Variants in DGKI observed in about 807,000 individuals in gnomAD.
The protein encoded by DGKI is diacylglycerol kinase iota.
Under a neutral mutation model 147.5 loss-of-function variants are expected in DGKI, and 55 were observed. The observed-to-expected ratio is 0.37, with a 90% CI of 0.30 to 0.47. The LOEUF is 0.47. Among genes scored for constraint, DGKI ranks in the 20% least tolerant of loss-of-function variants. The pLI, the probability that DGKI is intolerant of heterozygous loss-of-function variation, is 1.00. For missense variants in DGKI, 1,007 were observed against 1,323.8 expected, an observed-to-expected ratio of 0.76 and a Z score of 3.71; for synonymous variants, 469 against 477.1, an observed-to-expected ratio of 0.98 and a Z score of 0.22.
chr7:137,413,113 T>C (rs1812223517), intron 28 of DGKI, among the ~76,000 whole-genome samples: 2 of 151,772 alleles, frequency 1.3e-5, no homozygotes. Context: ...CTACCAAAAA[T>C]ACAGAAATTA....
At chr7:137,651,223 T>C (rs1404466186) in intron 5 of DGKI, among the ~76,000 whole-genome samples, 1 of 152,230 alleles carries the variant, frequency 6.6e-6, no homozygotes, top group Non-Finnish European at 1.5e-5. Flanking sequence ...GGATTGAAAG[T>C]GACAACTGAA....
At chr7:137,721,417 C>T (rs1291802224) in intron 1 of DGKI, among the ~76,000 whole-genome samples, 1 of 152,186 alleles carries the variant, frequency 6.6e-6, no homozygotes, top group Non-Finnish European at 1.5e-5. Flanking sequence ...TCCTCAATTT[C>T]TGTACACCTC....
At chr7:137,534,811 G>A (rs955138987) in intron 20 of DGKI, among the ~76,000 whole-genome samples, 2 of 152,106 alleles carry the variant, frequency 1.3e-5, no homozygotes. Context: ...TTGGTAAGTT[G>A]AAGTTCTAAC....
At chr7:137,415,116 G>A (rs1812309514) in intron 28 of DGKI, among the ~76,000 whole-genome samples, 1 of 152,210 alleles carries the variant, frequency 6.6e-6, no homozygotes, top group East Asian at 1.9e-4. Context: ...CGGATTAGAA[G>A]CACAGATAAT....
At chr7:137,497,647 T>C (rs936921424) in intron 21 of DGKI, among the ~76,000 whole-genome samples, 5 of 151,972 alleles carry the variant, frequency 3.3e-5, no homozygotes, top group South Asian at 2.1e-4. Context: ...TGCAGCAACA[T>C]GGATGGAGCT....
At chr7:137,440,451 T>C (rs971311055) in intron 28 of DGKI, among the ~76,000 whole-genome samples, 1 of 152,234 alleles carries the variant, frequency 6.6e-6, no homozygotes, top group African/African-American at 2.4e-5. Context: ...CAGTAGTAAA[T>C]ATACTCTTGT....
intron 1 of DGKI, among the ~76,000 whole-genome samples, chr7:137,790,793 C>T (rs1235249848): frequency 6.6e-6 from 1 of 152,114 alleles, no homozygotes; most frequent in African/African-American, 2.4e-5. Context: ...TATAACAGTG[C>T]CTGTTGTTAG....
At chr7:137,488,757 T>C (rs1205803225) in intron 21 of DGKI, among the ~76,000 whole-genome samples, 1 of 152,090 alleles carries the variant, frequency 6.6e-6, no homozygotes, top group Non-Finnish European at 1.5e-5. Flanking sequence ...AAATTCATAA[T>C]ACACAGAAGA....
chr7:137,491,263 G>C (rs911747195), intron 21 of DGKI, among the ~76,000 whole-genome samples: 2 of 152,162 alleles, frequency 1.3e-5, no homozygotes, highest in Admixed American at 1.3e-4. Flanking sequence ...ATTGTGGAAA[G>C]GCACAGTTAC....
At chr7:137,573,684 C>T (rs1428486660) in intron 17 of DGKI, among the ~76,000 whole-genome samples, 3 of 152,190 alleles carry the variant, frequency 2.0e-5, no homozygotes, top group Admixed American at 6.5e-5. Flanking sequence ...GGATTATAGG[C>T]GTGAGCCACT....
chr7:137,502,659 T>C (rs570106113), intron 21 of DGKI, among the ~76,000 whole-genome samples: 7 of 152,144 alleles, frequency 4.6e-5, no homozygotes. Context: ...TCCTGAGAGA[T>C]GGATGTCATT....
chr7:137,395,966 G>A (rs2278101), intron 31 of DGKI: 90,526 of 425,914 alleles, frequency 0.21, 10,125 homozygotes, highest in East Asian at 0.28. Context: ...ACTACTATTT[G>A]ATTTAGGTGA....
At chr7:137,456,246 G>C (rs919187485) in intron 27 of DGKI, among the ~76,000 whole-genome samples, 3 of 152,074 alleles carry the variant, frequency 2.0e-5, no homozygotes, top group African/African-American at 7.2e-5. Context: ...CCTGGATCCA[G>C]CATACTTATA....
chr7:137,723,053 T>C (rs1794615074), intron 1 of DGKI, among the ~76,000 whole-genome samples: 1 of 152,130 alleles, frequency 6.6e-6, no homozygotes, highest in Non-Finnish European at 1.5e-5. Flanking sequence ...CCTCATAGAT[T>C]TGTTGTGAGG....
chr7:137,519,281 C>T (rs1248199051), intron 21 of DGKI, among the ~76,000 whole-genome samples: 3 of 152,026 alleles, frequency 2.0e-5, no homozygotes, highest in Non-Finnish European at 4.4e-5. Flanking sequence ...GGGAGCCCTG[C>T]ATTATGGACG....
chr7:137,569,390 G>A (rs1215798824), intron 19 of DGKI, among the ~76,000 whole-genome samples: 2 of 151,960 alleles, frequency 1.3e-5, no homozygotes, highest in African/African-American at 4.8e-5. Flanking sequence ...GGACAGTTTA[G>A]AGAGTTTTTT....
In DGKI at chr7:137,607,531, C is replaced by T. The variant is rs373159922; in HGVS notation, c.1167+1435G>A. ...AATAGATAACTTACTAGCCTCTGTG[C>T]GCCCTAGGAAAGAGAGCTTATAATG... On this transcript the variant is annotated intron_variant, in intron 10 of 32. Coordinates refer to ENST00000614521, the MANE Select transcript of DGKI (RefSeq NM_001321708.2). Among the ~76,000 whole-genome samples the T allele has an allele frequency of 2.8e-4, 43 of 152,268 alleles. 2 individuals are homozygous for T. In the South Asian group the frequency reaches 6.6e-3, roughly 23 times the overall value.
chr7:137,716,787 A>T (rs557132567), intron 1 of DGKI, among the ~76,000 whole-genome samples: 2 of 152,186 alleles, frequency 1.3e-5, no homozygotes, highest in African/African-American at 4.8e-5. Context: ...CTCTGCTCCT[A>T]TTTAAACATT....
At position 137,384,059 on chromosome 7, in the gene DGKI, C is replaced by T. The variant is rs985248624; in HGVS notation, c.*7161G>A. The T allele has an allele frequency of 6.6e-6, 1 of 151,996 alleles. No individual in the cohort carries two copies. 9.4% of individuals were successfully genotyped at this position (151,996 alleles called of 1,614,324 possible). On this transcript the variant is annotated 3_prime_UTR_variant, in exon 33 of 33. Coordinates refer to ENST00000614521, the MANE Select transcript of DGKI (RefSeq NM_001321708.2). ...CATAACACTTAGCTTGCATACCCAC[C>T]CATAAACTTAGAGCAATAGAGTCTT...
Sources: gnomAD v4.1 joint callset for allele counts (sites outside exome capture counted in the v4.1 genomes callset) on GRCh38, gnomAD v4.1.1 for gene constraint, MANE v1.5 for transcripts, NCBI Gene and HGNC (gene_info 2026-07-23, HGNC 2026-07-21) for gene names.